The following FMR1NB variants were observed in gnomAD, a reference collection of about 807,000 sequenced individuals.
FMR1NB encodes FMR1 neighbor protein.
FMR1NB carries 10 observed loss-of-function variants against 16.8 expected under a neutral mutation model. The observed-to-expected ratio is 0.60, with a 90% CI of 0.37 to 1.01. FMR1NB has a LOEUF of 1.01. Ranked by LOEUF, FMR1NB falls within the 50% of genes least tolerant of loss-of-function variation. The pLI is 0.01. For synonymous variants in FMR1NB, 83 were observed against 79.1 expected (o/e 1.05, Z -0.26); for missense variants, 205 against 204.8 (o/e 1.00, Z 0.00).
At chrX:147,994,663 C>T (rs1474533432) in intron 1 of FMR1NB, among the ~76,000 whole-genome samples, 1 of 111,315 alleles carries the variant, frequency 9.0e-6, no homozygotes, top group Non-Finnish European at 1.9e-5. Context: ...AGTAGAACTC[C>T]CACACAAAAA....
intron 4 of FMR1NB, among the ~76,000 whole-genome samples, chrX:148,010,029 A>G (rs1344203741): frequency 8.9e-6 from 1 of 112,339 alleles, no homozygotes; most frequent in Non-Finnish European, 1.9e-5. Context: ...TAAGTTTGGT[A>G]TGATAACTTC....
chrX:147,982,588 CAA>C (rs79206034), intron 1 of FMR1NB, among the ~76,000 whole-genome samples: 35 of 28,467 alleles, frequency 1.2e-3, no homozygotes, highest in African/African-American at 4.7e-3. Context: ...GACTCCGTCT[CAA>C]AAAAAAAAAA....
Position 147,986,238 on chromosome X carries a change from G to A in FMR1NB, c.277+4559G>A, listed in dbSNP as rs782357956. On this transcript the variant is annotated intron_variant, in intron 1 of 5. Transcript: ENST00000370467. ...TTATTAGACCTTTGTCAGATGGATA[G>A]ATTGCAAAAATTTTCTCCCATTCTA... Among the ~76,000 whole-genome samples the A allele has an allele frequency of 7.1e-5, 8 of 112,418 alleles. No homozygotes were observed. The South Asian group carries it at 2.2e-3, about 31-fold the overall frequency.
At chrX:148,006,274 A>G (rs1469069735) in intron 2 of FMR1NB, among the ~76,000 whole-genome samples, 1 of 112,215 alleles carries the variant, frequency 8.9e-6, no homozygotes, top group East Asian at 2.8e-4. Flanking sequence ...TACTTTAGTC[A>G]CTAGCAGCAA....
intron 1 of FMR1NB, among the ~76,000 whole-genome samples, chrX:147,991,246 CAA>C (rs2044502906): frequency 9.1e-6 from 1 of 110,402 alleles, no homozygotes; most frequent in Non-Finnish European, 1.9e-5. Flanking sequence ...TCTCCTCTCA[CAA>C]GGGCCTTTCT....
At chrX:147,985,933 C>G (rs1038398466) in intron 1 of FMR1NB, among the ~76,000 whole-genome samples, 5 of 112,126 alleles carry the variant, frequency 4.5e-5, no homozygotes, top group Non-Finnish European at 7.5e-5. Flanking sequence ...ACACTCCCAC[C>G]AACAGTGTAA....
intron 1 of FMR1NB, among the ~76,000 whole-genome samples, chrX:147,987,850 TTTTC>T (rs1243408287): frequency 9.0e-6 from 1 of 111,375 alleles, no homozygotes; most frequent in Non-Finnish European, 1.9e-5. Context: ...TTGGTTTTTT[TTTTC>T]TTTCTATTTG....
At chrX:148,014,604 G>C (rs2044640489) in intron 4 of FMR1NB, among the ~76,000 whole-genome samples, 1 of 110,365 alleles carries the variant, frequency 9.1e-6, no homozygotes, top group Non-Finnish European at 1.9e-5. Flanking sequence ...AAGAGGTACA[G>C]ATAAAAAGTT....
At chrX:147,995,529 A>C (rs1557188084) in intron 1 of FMR1NB, among the ~76,000 whole-genome samples, 2 of 111,995 alleles carry the variant, frequency 1.8e-5, no homozygotes, top group Non-Finnish European at 3.8e-5. Flanking sequence ...AGTGGCATAC[A>C]GGATAAGGAG....
chrX:147,996,770 G>C (rs1284933604), intron 1 of FMR1NB, among the ~76,000 whole-genome samples: 7 of 111,812 alleles, frequency 6.3e-5, no homozygotes, highest in African/African-American at 2.3e-4. Flanking sequence ...ACTGAGTCTG[G>C]TGTTTCTTTT....
chrX:147,982,141 T>G (rs1242772710), intron 1 of FMR1NB, among the ~76,000 whole-genome samples: 1 of 110,969 alleles, frequency 9.0e-6, no homozygotes, highest in African/African-American at 3.3e-5. Context: ...AATACAAAAA[T>G]TAGCCGGGCA....
intron 2 of FMR1NB, among the ~76,000 whole-genome samples, chrX:148,005,936 C>T (rs2044593829): frequency 8.9e-6 from 1 of 112,190 alleles, no homozygotes; most frequent in African/African-American, 3.2e-5. Context: ...AGAGATTGAA[C>T]CGAATCTATT....
chrX:147,987,963 A>G (rs782617381), intron 1 of FMR1NB, among the ~76,000 whole-genome samples: 2 of 111,069 alleles, frequency 1.8e-5, no homozygotes, highest in East Asian at 2.8e-4. Flanking sequence ...TCTTGGCTCT[A>G]TCCAATTTGC....
chrX:147,992,141 G>C (rs929463570), intron 1 of FMR1NB, among the ~76,000 whole-genome samples: 3 of 110,521 alleles, frequency 2.7e-5, no homozygotes, highest in Admixed American at 9.5e-5. Flanking sequence ...AGCTGCCATT[G>C]TCATCCCGTC....
At chrX:148,013,666 A>G (rs1350551365) in intron 4 of FMR1NB, among the ~76,000 whole-genome samples, 1 of 112,032 alleles carries the variant, frequency 8.9e-6, no homozygotes. Flanking sequence ...TAGTATTCCA[A>G]GAGTCTCTGG....
intron 1 of FMR1NB, among the ~76,000 whole-genome samples, chrX:147,998,134 A>G (rs1399125130): frequency 1.8e-5 from 2 of 112,698 alleles, no homozygotes; most frequent in East Asian, 5.6e-4. Context: ...AAATCATTCT[A>G]GTATAAAGAC....
chrX:148,000,137 G>T (rs192656326), intron 1 of FMR1NB, among the ~76,000 whole-genome samples: 1 of 111,527 alleles, frequency 9.0e-6, no homozygotes, highest in Admixed American at 9.5e-5. Context: ...TTGATATAAA[G>T]GAGATTTAAA....
chrX:148,015,067 C>A (rs2044643347), intron 4 of FMR1NB, among the ~76,000 whole-genome samples: 1 of 111,533 alleles, frequency 9.0e-6, no homozygotes, highest in African/African-American at 3.3e-5. Flanking sequence ...TTGTATGTGT[C>A]TAGACATTTT....
chrX:148,019,075 T>A (rs1232328640), intron 4 of FMR1NB, among the ~76,000 whole-genome samples: 1 of 112,205 alleles, frequency 8.9e-6, no homozygotes, highest in Non-Finnish European at 1.9e-5. Context: ...TTCATTGTTT[T>A]CTTTTTTCTT....
Sources: gnomAD v4.1 joint callset for allele counts (sites outside exome capture counted in the v4.1 genomes callset) on GRCh38, gnomAD v4.1.1 for gene constraint, MANE v1.5 for transcripts, NCBI Gene and HGNC (gene_info 2026-07-23, HGNC 2026-07-21) for gene names.